IPO11: variants seen among roughly 807,000 people sequenced by gnomAD.
IPO11 encodes importin 11.
IPO11 carries 66 observed loss-of-function variants against 143.2 expected under a neutral mutation model. The observed-to-expected ratio is 0.46, with a 90% confidence interval of 0.38 to 0.57. The LOEUF (loss-of-function observed/expected upper bound fraction) is 0.57, where lower values mean the gene tolerates loss of function less well. IPO11 is among the 20% of genes least tolerant of loss of function. The pLI is 0.00. For missense variants in IPO11, 1,026 were observed against 1,141.0 expected, an observed-to-expected ratio of 0.90 and a Z score of 1.45; for synonymous variants, 385 against 377.8, an observed-to-expected ratio of 1.02 and a Z score of -0.22.
intron 29 of IPO11, among the ~76,000 whole-genome samples, chr5:62,621,647 G>A (rs1232625841): frequency 6.6e-6 from 1 of 152,082 alleles, no homozygotes; most frequent in Non-Finnish European, 1.5e-5. Context: ...TCCCTAAGAA[G>A]ATCAACAGAT....
chr5:62,610,600 C>T (rs927168482), intron 29 of IPO11, among the ~76,000 whole-genome samples: 1 of 152,080 alleles, frequency 6.6e-6, no homozygotes, highest in Non-Finnish European at 1.5e-5. Context: ...TAAGACTTAA[C>T]AAAATTAACA....
intron 24 of IPO11, among the ~76,000 whole-genome samples, chr5:62,546,446 C>G (rs369232948): frequency 6.6e-6 from 1 of 151,910 alleles, no homozygotes. Context: ...TGGGGCCTGT[C>G]GTAGGGTTGG....
rs202099658 is a variant in IPO11, at chr5:62,515,613, CAT to C, written c.1896+115_1896+116del. 1,603 of 593,594 alleles carry C rather than the reference CAT, an allele frequency of 2.7e-3. 20 individuals are homozygous for C. Among genetic ancestry groups the C allele is most frequent in the African/African-American group, 0.025 (1,277 of 51,652 alleles). 36.8% of individuals were successfully genotyped at this position (593,594 alleles called of 1,614,324 possible). A position where few individuals can be genotyped will look rare whatever the true frequency, so the allele number is the denominator to read the frequency against. ...ATGTTAATGGTAGTGAAAAACTTCA[CAT>C]ATCTTTTATTTTTTTTTCCATGTGT... On this transcript the variant is annotated intron_variant, in intron 20 of 29. Coordinates refer to ENST00000325324, the MANE Select transcript of IPO11 (RefSeq NM_016338.5).
Position 62,625,433 on chromosome 5 carries a change from A to G in IPO11, c.2764-1721A>G, listed in dbSNP as rs1406328732. 2.6e-5 allele frequency among the ~76,000 whole-genome samples: 4 copies of G among 152,180 alleles called. No homozygotes were observed. In the South Asian group the frequency reaches 6.2e-4, roughly 24 times the overall value. The stretch of plus-strand genomic sequence containing the variant: ...GTGCTCATTAAAATCCGATGTGTAG[A>G]CTTTAGAAGTGAATCTGGCTATTAA... On this transcript the variant is annotated intron_variant, in intron 29 of 29. Coordinates refer to ENST00000325324, the MANE Select transcript of IPO11 (RefSeq NM_016338.5).
intron 1 of IPO11, among the ~76,000 whole-genome samples, chr5:62,423,705 G>C (rs907470644): frequency 1.3e-5 from 2 of 152,154 alleles, no homozygotes; most frequent in East Asian, 3.8e-4. Flanking sequence ...ATTGATAGAA[G>C]ATCTAGAAGC....
At chr5:62,546,982 A>G (rs541316298) in intron 24 of IPO11, among the ~76,000 whole-genome samples, 1 of 152,254 alleles carries the variant, frequency 6.6e-6, no homozygotes, top group African/African-American at 2.4e-5. Flanking sequence ...AGAGTTTGGA[A>G]CCATGTAGAG....
intron 1 of IPO11, among the ~76,000 whole-genome samples, chr5:62,421,596 A>G (rs1198629872): frequency 2.0e-5 from 3 of 152,238 alleles, no homozygotes; most frequent in African/African-American, 7.2e-5. Context: ...AAGTCAGTTT[A>G]TCTCCTTATC....
intron 12 of IPO11, among the ~76,000 whole-genome samples, chr5:62,486,900 T>C (rs1746427401): frequency 6.6e-6 from 1 of 152,170 alleles, no homozygotes; most frequent in Non-Finnish European, 1.5e-5. Flanking sequence ...ACACATCCTC[T>C]GACCATATTT....
At chr5:62,606,480 TAAAAA>T (rs760722973) in intron 29 of IPO11, among the ~76,000 whole-genome samples, 39 of 56,108 alleles carry the variant, frequency 7.0e-4, no homozygotes, top group African/African-American at 1.2e-3. Context: ...GACCCTGTCT[TAAAAA>T]AAAAAAAAAA....
intron 24 of IPO11, among the ~76,000 whole-genome samples, chr5:62,538,630 A>G (rs556277881): frequency 6.6e-6 from 1 of 152,212 alleles, no homozygotes. Flanking sequence ...AGCTATGCTG[A>G]ACTGTGACTC....
intron 29 of IPO11, among the ~76,000 whole-genome samples, chr5:62,605,792 A>G (rs949042036): frequency 6.6e-6 from 1 of 151,394 alleles, no homozygotes; most frequent in Admixed American, 6.6e-5. Flanking sequence ...TTGGAGTGCA[A>G]TGGGTGCAAA....
At chr5:62,508,669 A>G (rs921631502) in intron 19 of IPO11, among the ~76,000 whole-genome samples, 4 of 145,640 alleles carry the variant, frequency 2.7e-5, no homozygotes, top group African/African-American at 1.0e-4. Context: ...TTACGTAGGT[A>G]TACATGTGCC....
chr5:62,613,477 A>AT (rs1746007386), intron 29 of IPO11, among the ~76,000 whole-genome samples: 1 of 151,122 alleles, frequency 6.6e-6, no homozygotes, highest in African/African-American at 2.4e-5. Flanking sequence ...TAATTTTCAT[A>AT]TTTTTTGTAG....
chr5:62,480,644 A>C (rs1259604549), intron 9 of IPO11, among the ~76,000 whole-genome samples: 1 of 152,104 alleles, frequency 6.6e-6, no homozygotes, highest in Non-Finnish European at 1.5e-5. Flanking sequence ...TTCTTGAAGA[A>C]GTCCTTCACA....
chr5:62,585,374 T>G (rs368636332), intron 27 of IPO11, among the ~76,000 whole-genome samples: 2 of 152,270 alleles, frequency 1.3e-5, no homozygotes, highest in South Asian at 4.1e-4. Context: ...GTTGTATTTG[T>G]AGTCTTATTA....
chr5:62,572,970 G>A lies in IPO11; in HGVS notation c.2582+11713G>A, dbSNP rs576011839. 1.9e-4 allele frequency among the ~76,000 whole-genome samples: 29 copies of A among 152,160 alleles called. No individual in the cohort carries two copies. In the East Asian group the frequency reaches 2.7e-3, roughly 14 times the overall value. On this transcript the variant is annotated intron_variant, in intron 27 of 29. Coordinates refer to ENST00000325324, the MANE Select transcript of IPO11 (RefSeq NM_016338.5). ...CATTTTCTCAAGTTCCGTTTGTTAC[G>A]AAAAACCTCCTATCGTAAATTATAT...
At position 62,561,184 on chromosome 5, in the gene IPO11, GACA is replaced by G; in HGVS notation, c.2513_2515del (p.Asn838del). ...GATTGAAATGTGGGTTGATCGAATG[GACA>G]ACATTACCCAGCCTGAAAGAAGAAA... On this transcript the variant is annotated inframe_deletion, in exon 27 of 30. Coordinates refer to ENST00000325324, the MANE Select transcript of IPO11 (RefSeq NM_016338.5). The G allele has an allele frequency of 1.2e-5, 19 of 1,610,444 alleles. No homozygotes were observed. The highest frequency in any genetic ancestry group is 1.4e-5 in the Non-Finnish European group (17 of 1,178,212).
intron 27 of IPO11, among the ~76,000 whole-genome samples, chr5:62,571,610 T>C (rs1216366202): frequency 3.9e-5 from 6 of 152,112 alleles, no homozygotes; most frequent in African/African-American, 1.4e-4. Flanking sequence ...TAATTTGTGA[T>C]AGCCTTTTGA....
At chr5:62,599,255 C>G (rs1464849711) in intron 28 of IPO11, among the ~76,000 whole-genome samples, 1 of 152,230 alleles carries the variant, frequency 6.6e-6, no homozygotes, top group Non-Finnish European at 1.5e-5. Flanking sequence ...TTTGCCCCAA[C>G]TATCCCTCCT....
Sources: allele counts gnomAD v4.1 joint callset (sites outside exome capture counted in the v4.1 genomes callset), GRCh38; gene constraint gnomAD v4.1.1; transcripts MANE v1.5; gene names NCBI Gene and HGNC (gene_info 2026-07-23, HGNC 2026-07-21).